Variants in KPNA4 observed in about 807,000 individuals in gnomAD.
The protein encoded by KPNA4 is karyopherin subunit alpha 4, also known as importin subunit alpha-3.
A neutral mutation model predicts 71.3 loss-of-function variants in KPNA4; 13 were observed. That is an observed-to-expected ratio of 0.18 (90% CI 0.12 to 0.29). The LOEUF is 0.29. Among genes scored for constraint, KPNA4 ranks in the 10% least tolerant of loss-of-function variants. The probability of loss-of-function intolerance (pLI) is 1.00; values close to 1 mark genes in which losing one functional copy is unlikely to be tolerated. For missense variants in KPNA4, 334 were observed against 603.2 expected (o/e 0.55, Z 4.67); for synonymous variants, 189 against 195.2 (o/e 0.97, Z 0.26).
chr3:160,550,863 G>T (rs1213643250), intron 1 of KPNA4, among the ~76,000 whole-genome samples: 3 of 152,144 alleles, frequency 2.0e-5, no homozygotes, highest in African/African-American at 7.2e-5. Flanking sequence ...AATTCCACTT[G>T]GTCATGGTAT....
chr3:160,525,609 T>C (rs1035729181), intron 10 of KPNA4, among the ~76,000 whole-genome samples, 191 bp downstream of exon 10: 9 of 152,234 alleles, frequency 5.9e-5, no homozygotes, highest in African/African-American at 9.6e-5. Flanking sequence ...TTTTGTGATA[T>C]AGATAAACAT....
At position 160,497,559 on chromosome 3, in the gene KPNA4, TTAAG is replaced by T. The variant is rs1488993919; in HGVS notation, c.*4541_*4544del. 1 of 152,180 alleles carries T rather than the reference TTAAG, an allele frequency of 6.6e-6. No homozygotes were observed. The highest frequency in any genetic ancestry group is 1.5e-5 in the Non-Finnish European group (1 of 68,036). 9.4% of individuals were successfully genotyped at this position (152,180 alleles called of 1,614,324 possible). On this transcript the variant is annotated 3_prime_UTR_variant, in exon 17 of 17. Transcript: ENST00000334256. ...CTTATTAAAAAGTTTAGGGAAAACT[TTAAG>T]TGTTCAAAATGTCAAGTTTGTTAGG...
At chr3:160,556,952 A>T (rs1722148925) in intron 1 of KPNA4, among the ~76,000 whole-genome samples, 1 of 152,332 alleles carries the variant, frequency 6.6e-6, no homozygotes, top group South Asian at 2.1e-4. Flanking sequence ...AATAGGTAGG[A>T]CTATAGGTGT....
intron 1 of KPNA4, among the ~76,000 whole-genome samples, chr3:160,553,236 T>C (rs1722075772): frequency 6.6e-6 from 1 of 152,146 alleles, no homozygotes; most frequent in Non-Finnish European, 1.5e-5. Flanking sequence ...CAAATGATGT[T>C]ACACTTCTCA....
rs749791921 is a variant in KPNA4 at position 160,535,489 on chromosome 3, A to G, written c.287+24T>C. On this transcript the variant is annotated intron_variant, in intron 5 of 16. Transcript: ENST00000334256. ...CCCCTGTGTAAGTTGTAAAATCTAA[A>G]CATGTCTTCCAAATTCAACTTACCT... is the stretch of plus-strand genomic sequence containing the variant. 13 of 1,576,250 alleles carry G rather than the reference A, an allele frequency of 8.2e-6. No homozygotes were observed. In the East Asian group the frequency reaches 2.7e-4, roughly 33 times the overall value.
Position 160,505,038 on chromosome 3 carries a change from C to A in KPNA4, c.1387G>T (p.Glu463Ter). 6.5e-7 allele frequency: 1 copy of A among 1,542,856 alleles called. No homozygotes were observed. ...TCATTTTCATGATTTTGAAGTTGTT[C>A]AATTTTCTCCAGCCCTGCAAGAAAT... ...IEECGGLEKI[E>*]QLQNHENEDI... is the part of the protein sequence containing the mutation. The change falls in exon 16 of 17, where the codon GAA (glutamate) becomes TAA (stop). Residue 463 changes from glutamate to a stop codon, truncating the protein, a stop_gained. Transcript: ENST00000334256. LOFTEE classifies it high-confidence loss of function.
At chr3:160,513,219 T>C (rs1721135960) in intron 13 of KPNA4, among the ~76,000 whole-genome samples, 1 of 149,572 alleles carries the variant, frequency 6.7e-6, no homozygotes, top group African/African-American at 2.4e-5. Context: ...TTCAGAACCC[T>C]CATGCTGTGA....
intron 1 of KPNA4, among the ~76,000 whole-genome samples, chr3:160,542,631 C>G (rs941942076): frequency 1.3e-5 from 2 of 152,232 alleles, no homozygotes; most frequent in Admixed American, 6.5e-5. Context: ...TTATTTCTCA[C>G]AGGTAGCACT....
At chr3:160,528,165 A>T in intron 7 of KPNA4, 126 bp from the exon 8 acceptor site, 1 of 538,924 alleles carries the variant, frequency 1.9e-6, no homozygotes, top group Non-Finnish European at 3.3e-6. Flanking sequence ...ATATAACCTC[A>T]TTAAATGAAT....
rs1720818751 is a variant in KPNA4 at position 160,498,789 on chromosome 3, T to C, written c.*3315A>G. 1 of 152,204 alleles carries C rather than the reference T, an allele frequency of 6.6e-6. No homozygotes were observed. The highest frequency in any genetic ancestry group is 1.5e-5 in the Non-Finnish European group (1 of 68,026). The allele number at this position is 152,204 out of a possible 1,614,324, so 9.4% of individuals were successfully genotyped here. ...CCTTTATTGCAGCCTTGTGAGACCC[T>C]GAGCAGAAAACCTAACTACACTCTT... On this transcript the variant is annotated 3_prime_UTR_variant, in exon 17 of 17. Coordinates refer to ENST00000334256, the MANE Select transcript of KPNA4 (RefSeq NM_002268.5).
chr3:160,549,642 G>A (rs1721997506), intron 1 of KPNA4, among the ~76,000 whole-genome samples: 1 of 152,172 alleles, frequency 6.6e-6, no homozygotes, highest in Non-Finnish European at 1.5e-5. Context: ...CTTTATGCCA[G>A]TACACCATAC....
At chr3:160,502,983 C>A (rs962068565) in intron 16 of KPNA4, among the ~76,000 whole-genome samples, 1 of 152,026 alleles carries the variant, frequency 6.6e-6, no homozygotes, top group Non-Finnish European at 1.5e-5. Flanking sequence ...TGGTGGCATG[C>A]GCCTATAATC....
At chr3:160,528,442 T>G (rs934343307) in intron 7 of KPNA4, among the ~76,000 whole-genome samples, 2 of 152,196 alleles carry the variant, frequency 1.3e-5, no homozygotes, top group Non-Finnish European at 2.9e-5. Context: ...CTTGGCTCAC[T>G]GCAACCTCTG....
At chr3:160,510,582 T>C (rs1046928221) in intron 13 of KPNA4, among the ~76,000 whole-genome samples, 4 of 152,088 alleles carry the variant, frequency 2.6e-5, no homozygotes, top group African/African-American at 9.7e-5. Flanking sequence ...ACCACATAAA[T>C]AAAAGAAATG....
rs993763759 is a variant in KPNA4 at position 160,497,135 on chromosome 3, T to C, written c.*4969A>G. On this transcript the variant is annotated 3_prime_UTR_variant, in exon 17 of 17. Transcript: ENST00000334256. ...TTCCTTTATTAAGAATTAAGGCTGG[T>C]TGGGCGCAGTGGCTCACGCCTGTAA... The C allele has an allele frequency of 2.0e-5, 3 of 152,168 alleles. No individual in the cohort carries two copies. Among genetic ancestry groups the C allele is most frequent in the African/African-American group, 7.2e-5 (3 of 41,438 alleles). The allele number at this position is 152,168 out of a possible 1,614,324, so 9.4% of individuals were successfully genotyped here.
intron 11 of KPNA4, among the ~76,000 whole-genome samples, chr3:160,521,486 A>C (rs938691813): frequency 6.6e-6 from 1 of 152,154 alleles, no homozygotes; most frequent in Non-Finnish European, 1.5e-5. Flanking sequence ...CTGTGATCCC[A>C]ACCACTCAAG....
intron 1 of KPNA4, among the ~76,000 whole-genome samples, chr3:160,539,504 C>T (rs1721754520): frequency 6.6e-6 from 1 of 152,168 alleles, no homozygotes; most frequent in Non-Finnish European, 1.5e-5. Context: ...TCACACAAAG[C>T]CACTTAACCA....
At chr3:160,519,348 T>C (rs1329577317) in intron 11 of KPNA4, among the ~76,000 whole-genome samples, 5 of 152,178 alleles carry the variant, frequency 3.3e-5, no homozygotes, top group Non-Finnish European at 5.9e-5. Flanking sequence ...GCTTAAAATA[T>C]ATAGCAAGCA....
intron 1 of KPNA4, among the ~76,000 whole-genome samples, chr3:160,555,976 C>T (rs1353190051): frequency 2.0e-5 from 3 of 152,162 alleles, no homozygotes; most frequent in Non-Finnish European, 4.4e-5. Context: ...GGATCACAGG[C>T]ATGCGCCACC....
Sources: gnomAD v4.1 joint callset for allele counts (sites outside exome capture counted in the v4.1 genomes callset) on GRCh38, gnomAD v4.1.1 for gene constraint, MANE v1.5 for transcripts, NCBI Gene and HGNC (gene_info 2026-07-23, HGNC 2026-07-21) for gene names.